The following MAP7 variants were observed in gnomAD, a reference collection of about 807,000 sequenced individuals.
MAP7 encodes microtubule associated protein 7, also known as ensconsin.
A neutral mutation model predicts 94.8 loss-of-function variants in MAP7; 52 were observed. The ratio of observed to expected loss-of-function variants is 0.55; its 90% CI spans 0.44 to 0.69. The LOEUF (loss-of-function observed/expected upper bound fraction) is 0.69, where lower values mean the gene tolerates loss of function less well. Among genes scored for constraint, MAP7 ranks in the 30% least tolerant of loss-of-function variants. The pLI is 0.00. For missense variants in MAP7, 940 were observed against 964.6 expected (o/e 0.97, Z 0.34); for synonymous variants, 350 against 357.0 (o/e 0.98, Z 0.22).
chr6:136,416,718 A>G (rs1789560700), intron 2 of MAP7, among the ~76,000 whole-genome samples: 1 of 152,082 alleles, frequency 6.6e-6, no homozygotes, highest in African/African-American at 2.4e-5. Flanking sequence ...AGGCAGGAGA[A>G]TCGCTTGAAC....
intron 1 of MAP7, among the ~76,000 whole-genome samples, chr6:136,485,960 G>T (rs1455662901): frequency 6.6e-6 from 1 of 152,252 alleles, no homozygotes; most frequent in Non-Finnish European, 1.5e-5. Flanking sequence ...ACAAGTTGTG[G>T]ACAAACATTT....
chr6:136,375,282 G>A (rs183670027), intron 7 of MAP7, among the ~76,000 whole-genome samples: 5 of 152,248 alleles, frequency 3.3e-5, no homozygotes, highest in African/African-American at 1.2e-4. Flanking sequence ...TATTTTGAAT[G>A]TCCCGGGGAA....
chr6:136,428,302 G>A (rs1793840443), intron 1 of MAP7, among the ~76,000 whole-genome samples: 1 of 152,142 alleles, frequency 6.6e-6, no homozygotes, highest in Non-Finnish European at 1.5e-5. Flanking sequence ...GATCACCTGA[G>A]GTCAGGAGTT....
chr6:136,350,644 A>G (rs1788905963), intron 16 of MAP7, among the ~76,000 whole-genome samples: 1 of 152,218 alleles, frequency 6.6e-6, no homozygotes, highest in African/African-American at 2.4e-5. Context: ...CCAGAGGCCA[A>G]GAGTTTGAGA....
intron 3 of MAP7, among the ~76,000 whole-genome samples, chr6:136,396,181 A>G (rs1283592178): frequency 2.0e-5 from 3 of 152,116 alleles, no homozygotes; most frequent in Non-Finnish European, 4.4e-5. Flanking sequence ...AATTGTTCCA[A>G]TTCATGAACA....
chr6:136,393,833 G>T (rs1781491175), intron 3 of MAP7, among the ~76,000 whole-genome samples: 1 of 136,614 alleles, frequency 7.3e-6, no homozygotes, highest in Admixed American at 7.7e-5. Flanking sequence ...TAGAGATAGG[G>T]TCTCACTACA....
At chr6:136,505,960 A>G (rs1821386553) in intron 1 of MAP7, among the ~76,000 whole-genome samples, 1 of 152,160 alleles carries the variant, frequency 6.6e-6, no homozygotes, top group Non-Finnish European at 1.5e-5. Flanking sequence ...ACCTTTATAA[A>G]CATGCTGATG....
chr6:136,395,710 C>A (rs1372894082), intron 3 of MAP7, among the ~76,000 whole-genome samples: 1 of 152,050 alleles, frequency 6.6e-6, no homozygotes, highest in Non-Finnish European at 1.5e-5. Context: ...AGTCTTTAAT[C>A]CATTTTGAGT....
chr6:136,468,103 C>A lies in MAP7; in HGVS notation c.68-46304G>T, dbSNP rs565505289. On this transcript the variant is annotated intron_variant, in intron 1 of 17. Transcript: ENST00000354570. ...GACCCAGCATCAGAGCGTGTGACCA[C>A]CACTCCCCACCCACTCCATTTTCAA... is the stretch of plus-strand genomic sequence containing the variant. 1.8e-4 allele frequency among the ~76,000 whole-genome samples: 27 copies of A among 152,264 alleles called. 1 individual carries two copies. The East Asian group carries it at 5.0e-3, about 28-fold the overall frequency.
intron 1 of MAP7, among the ~76,000 whole-genome samples, chr6:136,473,491 T>C (rs181408636): frequency 6.6e-6 from 1 of 152,346 alleles, no homozygotes; most frequent in Admixed American, 6.5e-5. Flanking sequence ...AATATGAAAA[T>C]GGGATCTTCC....
At chr6:136,401,813 T>TA (rs976046473) in intron 3 of MAP7, among the ~76,000 whole-genome samples, 4 of 151,812 alleles carry the variant, frequency 2.6e-5, no homozygotes, top group African/African-American at 7.3e-5. Flanking sequence ...GTCTCTAATG[T>TA]AAAAAAACAG....
At chr6:136,359,944 G>A (rs1228856916) in intron 14 of MAP7, 37 bp downstream of exon 14, 2 of 1,609,350 alleles carry the variant, frequency 1.2e-6, no homozygotes, top group South Asian at 1.1e-5. Context: ...AAAGATAAAA[G>A]CATACAAAAG....
At chr6:136,532,593 T>G (rs766532994) in intron 1 of MAP7, among the ~76,000 whole-genome samples, 1 of 151,868 alleles carries the variant, frequency 6.6e-6, no homozygotes, top group Non-Finnish European at 1.5e-5. Context: ...GGAATGATGA[T>G]GTTGGATTAA....
chr6:136,395,954 T>C (rs1782345736), intron 3 of MAP7, among the ~76,000 whole-genome samples: 2 of 152,218 alleles, frequency 1.3e-5, no homozygotes, highest in African/African-American at 4.8e-5. Context: ...TTTTGGTTAC[T>C]ATAGTTGTGT....
intron 3 of MAP7, among the ~76,000 whole-genome samples, chr6:136,402,673 G>A (rs916222493): frequency 1.3e-5 from 2 of 152,200 alleles, no homozygotes; most frequent in Non-Finnish European, 2.9e-5. Flanking sequence ...TTGGGAGGCC[G>A]AGGCCGGCGG....
At chr6:136,423,604 T>C (rs1210281028) in intron 1 of MAP7, among the ~76,000 whole-genome samples, 2 of 151,930 alleles carry the variant, frequency 1.3e-5, no homozygotes, top group Non-Finnish European at 2.9e-5. Context: ...CTTATTGATA[T>C]GATGTTTAGG....
chr6:136,440,618 T>A (rs1229973510), intron 1 of MAP7, among the ~76,000 whole-genome samples: 3 of 152,182 alleles, frequency 2.0e-5, no homozygotes, highest in African/African-American at 7.2e-5. Context: ...TCTCACTTGT[T>A]GCAAGGAGGA....
intron 3 of MAP7, among the ~76,000 whole-genome samples, chr6:136,401,526 C>T (rs960503646): frequency 2.0e-5 from 3 of 152,114 alleles, no homozygotes; most frequent in Non-Finnish European, 4.4e-5. Flanking sequence ...CAAACTATCG[C>T]AAGGACAGAA....
chr6:136,460,905 T>C lies in MAP7; in HGVS notation c.68-39106A>G, dbSNP rs182567538. Among the ~76,000 whole-genome samples the C allele has an allele frequency of 1.1e-3, 165 of 152,274 alleles. 1 individual carries two copies. Among genetic ancestry groups the C allele is most frequent in the Non-Finnish European group, 1.7e-3 (118 of 68,014 alleles). ...ACCCAATGAGAACACATCATTTTCA[T>C]TATACTTGTCCTAAGGTATATGGAC... On this transcript the variant is annotated intron_variant, in intron 1 of 17. Coordinates refer to ENST00000354570, the MANE Select transcript of MAP7 (RefSeq NM_003980.6).
Sources: gnomAD v4.1 joint callset for allele counts (sites outside exome capture counted in the v4.1 genomes callset) on GRCh38, gnomAD v4.1.1 for gene constraint, MANE v1.5 for transcripts, NCBI Gene and HGNC (gene_info 2026-07-23, HGNC 2026-07-21) for gene names.